Variants in ABCC1 observed in about 807,000 individuals in gnomAD.
ABCC1 encodes the protein multidrug resistance-associated protein 1.
In ABCC1, 83 loss-of-function variants were observed where a neutral mutation model predicts 172.9. The ratio of observed to expected loss-of-function variants is 0.48; its 90% CI spans 0.40 to 0.58. ABCC1 has a LOEUF of 0.58. Ranked by LOEUF, ABCC1 falls within the 20% of genes least tolerant of loss-of-function variation. The pLI is 0.00. For synonymous variants in ABCC1, 937 were observed against 825.2 expected (o/e 1.14, Z -2.32); for missense variants, 1,817 against 2,002.7 (o/e 0.91, Z 1.77).
intron 12 of ABCC1, among the ~76,000 whole-genome samples, chr16:16,059,324 G>A (rs1245390300): frequency 1.3e-5 from 2 of 152,064 alleles, no homozygotes; most frequent in Non-Finnish European, 2.9e-5. Context: ...TCGGAATTCC[G>A]GGCCATACAG....
intron 1 of ABCC1, among the ~76,000 whole-genome samples, chr16:16,007,499 C>T (rs2047588929): frequency 6.6e-6 from 1 of 152,112 alleles, no homozygotes; most frequent in Non-Finnish European, 1.5e-5. Flanking sequence ...GCTGGGATTA[C>T]AGGCATGAGC....
chr16:16,045,788 C>A, intron 8 of ABCC1, 48 bp from the exon 9 acceptor site: 1 of 1,586,634 alleles, frequency 6.3e-7, no homozygotes, highest in Non-Finnish European at 8.6e-7. Context: ...TCTTCCCTGC[C>A]CCCACGTGTC....
Position 16,031,124 on chromosome 16 carries a change from C to T in ABCC1, c.616-1985C>T, listed in dbSNP as rs575093232. On this transcript the variant is annotated intron_variant, in intron 5 of 30. Coordinates refer to ENST00000399410, the MANE Select transcript of ABCC1 (RefSeq NM_004996.4). Reference sequence around the variant, plus strand: ...TTGGCCTCCCAAAGTACTGGGATTACAGGCATGAGCCACCACACCCAGCCA... The same window carrying T: ...TTGGCCTCCCAAAGTACTGGGATTATAGGCATGAGCCACCACACCCAGCCA... 6.6e-5 allele frequency among the ~76,000 whole-genome samples: 10 copies of T among 152,322 alleles called. No individual in the cohort carries two copies. In the East Asian group the frequency reaches 1.4e-3, roughly 21 times the overall value.
Position 16,134,526 on chromosome 16 carries a change from C to T in ABCC1, c.4125+18C>T, listed in dbSNP as rs756299299. On this transcript the variant is annotated intron_variant, in intron 28 of 30. Coordinates refer to ENST00000399410, the MANE Select transcript of ABCC1 (RefSeq NM_004996.4). ...TCCCCCAGGTGGGGTCTGGGTGTGG[C>T]CCAGGGGGTGAGCCAGAGCTGGCAA... The T allele has an allele frequency of 5.6e-5, 91 of 1,613,288 alleles. No individual in the cohort carries two copies. Among genetic ancestry groups the T allele is most frequent in the Non-Finnish European group, 7.0e-5 (82 of 1,179,684 alleles).
Position 16,053,872 on chromosome 16 carries a change from C to T in ABCC1, c.1473+1056C>T, listed in dbSNP as rs139072897. 3.0e-3 allele frequency among the ~76,000 whole-genome samples: 442 copies of T among 148,120 alleles called. 2 individuals are homozygous for T. The highest frequency in any genetic ancestry group is 3.7e-3 in the South Asian group (17 of 4,562). ...GGGGATACCCCCTTCCCTACTCTCTCAACCACTGCAAATATATAGAAGCAA... is the reference window on the plus strand; with the variant it reads ...GGGGATACCCCCTTCCCTACTCTCTTAACCACTGCAAATATATAGAAGCAA... On this transcript the variant is annotated intron_variant, in intron 11 of 30. Transcript: ENST00000399410.
intron 13 of ABCC1, among the ~76,000 whole-genome samples, chr16:16,069,926 A>G (rs998752364): frequency 6.6e-6 from 1 of 152,186 alleles, no homozygotes; most frequent in Non-Finnish European, 1.5e-5. Context: ...CTGGAGGCTG[A>G]GACACGAGAA....
chr16:16,083,619 G>T (rs2151995609), intron 17 of ABCC1, 77 bp downstream of exon 17: 1 of 1,541,656 alleles, frequency 6.5e-7, no homozygotes, highest in Non-Finnish European at 8.9e-7. Context: ...ATCTCAGTGG[G>T]CTGTGAGTCT....
At chr16:16,059,421 G>A (rs1327643755) in intron 12 of ABCC1, among the ~76,000 whole-genome samples, 1 of 152,120 alleles carries the variant, frequency 6.6e-6, no homozygotes, top group East Asian at 1.9e-4. Flanking sequence ...CTGTGTTCCT[G>A]TAAAAAAGTA....
chr16:16,068,329 C>T (rs763781252), intron 13 of ABCC1, 27 bp downstream of exon 13: 16 of 1,611,868 alleles, frequency 9.9e-6, no homozygotes, highest in East Asian at 2.2e-5. Context: ...GGGCGACTTC[C>T]GAGAGGGGGC....
rs770415430 is a variant in ABCC1, at chr16:16,033,140, T to C, written c.647T>C (p.Leu216Pro). The C allele has an allele frequency of 1.2e-6, 2 of 1,614,186 alleles. No homozygotes were observed. Among genetic ancestry groups the C allele is most frequent in the African/African-American group, 1.3e-5 (1 of 75,054 alleles). Residue 216 changes from leucine to proline, a missense_variant, in exon 6 of 31, where the codon CTG (leucine) becomes CCG (proline). Coordinates refer to ENST00000399410, the MANE Select transcript of ABCC1 (RefSeq NM_004996.4). ...NPCPESSASF[L>P]SRITFWWITG... is the part of the protein sequence containing the mutation. ...TGCCCAGAGTCCAGCGCTTCCTTCC[T>C]GTCGAGGATCACCTTCTGGTGGATC...
chr16:16,083,292 G>A (rs2050876064), intron 16 of ABCC1, 74 bp from the exon 17 acceptor site: 1 of 1,479,706 alleles, frequency 6.8e-7, no homozygotes, highest in East Asian at 2.3e-5. Flanking sequence ...TAGCAGGCGG[G>A]TGGGCCAGCT....
At chr16:16,032,077 G>C (rs1285604449) in intron 5 of ABCC1, among the ~76,000 whole-genome samples, 1 of 152,030 alleles carries the variant, frequency 6.6e-6, no homozygotes, top group African/African-American at 2.4e-5. Flanking sequence ...TGCAACCTCC[G>C]CCTCCTGGGT....
chr16:16,006,954 G>GTGGTGGTGATGGTCA (rs2047562690), intron 1 of ABCC1, among the ~76,000 whole-genome samples: 1 of 151,940 alleles, frequency 6.6e-6, no homozygotes, highest in Non-Finnish European at 1.5e-5. Context: ...AGTGATATTG[G>GTGGTGGTGATGGTCA]TGGTGGTGAT....
In ABCC1 at chr16:16,111,427, C is replaced by T; in HGVS notation, c.2924C>T (p.Ser975Phe). The part of the protein sequence containing the change: ...DYMKAIGLFI[S>F]FLSIFLFMCN... Reference sequence around the variant, plus strand: ...ATGAAGGCCATCGGACTCTTCATCTCCTTCCTCAGCATCTTCCTTTTCATG... The same window carrying T: ...ATGAAGGCCATCGGACTCTTCATCTTCTTCCTCAGCATCTTCCTTTTCATG... Residue 975 changes from serine to phenylalanine, a missense_variant, in exon 22 of 31, where the codon TCC becomes TTC. Ser to Phe is a radical substitution (Grantham distance 155). Around this residue, in one of 3 missense-constraint regions of ABCC1, gnomAD observed 1,412 missense variants for 1,600.3 expected, o/e 0.88. Transcript: ENST00000399410. 2 of 1,614,164 alleles carry T rather than the reference C, an allele frequency of 1.2e-6. No homozygotes were observed. The highest frequency in any genetic ancestry group is 1.7e-6 in the Non-Finnish European group (2 of 1,180,044).
At chr16:16,025,992 C>A (rs751753911) in intron 5 of ABCC1, among the ~76,000 whole-genome samples, 5 of 152,158 alleles carry the variant, frequency 3.3e-5, no homozygotes, top group Admixed American at 2.6e-4. Flanking sequence ...TCAAAAGATT[C>A]TCCTTGGTTT....
At chr16:15,999,344 G>T (rs2047166236) in intron 1 of ABCC1, among the ~76,000 whole-genome samples, 1 of 151,728 alleles carries the variant, frequency 6.6e-6, no homozygotes, top group East Asian at 2.0e-4. Flanking sequence ...CGCTGGGTGC[G>T]ATGGCTCACG....
chr16:16,121,827 G>A, intron 23 of ABCC1, 148 bp from the exon 24 acceptor site: 1 of 691,654 alleles, frequency 1.4e-6, no homozygotes, highest in Admixed American at 2.6e-5. Context: ...CACCAGGTGA[G>A]TGGGCACCCC....
intron 18 of ABCC1, among the ~76,000 whole-genome samples, chr16:16,089,203 T>C (rs1367390761): frequency 6.6e-6 from 1 of 152,204 alleles, no homozygotes; most frequent in Admixed American, 6.5e-5. Flanking sequence ...CATGTGCATA[T>C]TTTGTAGTGG....
chr16:16,065,804 C>T (rs774817637), intron 12 of ABCC1, among the ~76,000 whole-genome samples: 3 of 152,204 alleles, frequency 2.0e-5, no homozygotes, highest in African/African-American at 4.8e-5. Flanking sequence ...GCTCGAACTT[C>T]TGGCCTCAAG....
Sources: gnomAD v4.1 joint callset for allele counts (sites outside exome capture counted in the v4.1 genomes callset) on GRCh38, gnomAD v4.1.1 for gene constraint, gnomAD v4.1.1 regional missense constraint, MANE v1.5 for transcripts, NCBI Gene and HGNC (gene_info 2026-07-23, HGNC 2026-07-21) for gene names.